LRP1B: variants seen among roughly 807,000 people sequenced by gnomAD.
The protein encoded by LRP1B is low-density lipoprotein receptor-related protein 1B.
A neutral mutation model predicts 556.6 loss-of-function variants in LRP1B; 217 were observed. That is an observed-to-expected ratio of 0.39 (90% CI 0.35 to 0.44). The LOEUF (loss-of-function observed/expected upper bound fraction) is 0.44. Among genes scored for constraint, LRP1B ranks in the 20% least tolerant of loss-of-function variants. LRP1B has a pLI of 1.00. For missense variants in LRP1B, 5,053 were observed against 5,620.8 expected (o/e 0.90, Z 3.23); for synonymous variants, 2,047 against 1,865.8 (o/e 1.10, Z -2.50).
intron 2 of LRP1B, among the ~76,000 whole-genome samples, chr2:141,515,492 A>G (rs185240667): frequency 2.0e-5 from 3 of 152,310 alleles, no homozygotes; most frequent in Non-Finnish European, 1.5e-5. Context: ...GCTGGAAAAC[A>G]TTGGTAATAA....
chr2:141,432,867 T>C (rs1483828191), intron 3 of LRP1B, among the ~76,000 whole-genome samples: 2 of 152,066 alleles, frequency 1.3e-5, no homozygotes, highest in African/African-American at 4.8e-5. Flanking sequence ...ATTTGCTCCA[T>C]TGATCTTCTC....
At chr2:140,242,249 G>T (rs12464830) in intron 87 of LRP1B, among the ~76,000 whole-genome samples, 31,200 of 150,926 alleles carry the variant, frequency 0.21, 3,431 homozygotes, top group Admixed American at 0.32. Context: ...TTATAGATAG[G>T]ATTATGCCAA....
intron 12 of LRP1B, among the ~76,000 whole-genome samples, chr2:141,019,708 A>T (rs1010871730): frequency 1.3e-5 from 2 of 152,054 alleles, no homozygotes; most frequent in Non-Finnish European, 1.5e-5. Flanking sequence ...ATCTTTGCGC[A>T]GTAATCTAAT....
chr2:140,314,778 A>C (rs2105035587), intron 83 of LRP1B, among the ~76,000 whole-genome samples, 157 bp downstream of exon 83: 1 of 152,292 alleles, frequency 6.6e-6, no homozygotes, highest in Admixed American at 6.6e-5. Context: ...TACTGAATTT[A>C]GAACAAATGC....
intron 60 of LRP1B, among the ~76,000 whole-genome samples, chr2:140,473,311 T>C (rs1182207643): frequency 6.6e-6 from 1 of 152,032 alleles, no homozygotes; most frequent in Non-Finnish European, 1.5e-5. Context: ...GCTGCAACTC[T>C]ACTTTTCTTC....
intron 1 of LRP1B, among the ~76,000 whole-genome samples, chr2:141,926,634 G>A (rs1700339875): frequency 6.6e-6 from 1 of 152,048 alleles, no homozygotes; most frequent in South Asian, 2.1e-4. Context: ...GCCCATATTG[G>A]CATCTACTTT....
intron 2 of LRP1B, among the ~76,000 whole-genome samples, chr2:141,693,101 C>G (rs1478516498): frequency 6.6e-6 from 1 of 152,074 alleles, no homozygotes; most frequent in Non-Finnish European, 1.5e-5. Context: ...ATTTACCAGA[C>G]TAAGCATGCA....
intron 18 of LRP1B, among the ~76,000 whole-genome samples, chr2:140,954,056 T>C (rs995889964): frequency 2.0e-5 from 3 of 152,228 alleles, no homozygotes; most frequent in African/African-American, 7.2e-5. Flanking sequence ...CTTGTGTTTA[T>C]CAGAAATGTG....
At position 140,350,922 on chromosome 2, in the gene LRP1B, T is replaced by C. The variant is rs1681929845; in HGVS notation, c.11767A>G (p.Ile3923Val). The C allele has an allele frequency of 6.2e-7, 1 of 1,611,404 alleles. No homozygotes were observed. Among genetic ancestry groups the C allele is most frequent in the Admixed American group, 1.7e-5 (1 of 59,900 alleles). ...QISHIEHNSR[I>V]TGMDVYYQRD... ...TGATAATATACATCCATCCCTGTTA[T>C]TCTTGAATTATGTTCAATATGAGAA... Residue 3923 changes from isoleucine to valine, a missense_variant, in exon 77 of 91, where the codon ATA becomes GTA. Transcript: ENST00000389484.
intron 3 of LRP1B, among the ~76,000 whole-genome samples, chr2:141,455,333 C>T (rs1681590106): frequency 6.6e-6 from 1 of 151,738 alleles, no homozygotes; most frequent in African/African-American, 2.4e-5. Flanking sequence ...AGTTTTTCTT[C>T]TCCTGTTTAA....
At chr2:140,903,865 T>C (rs1452049663) in intron 22 of LRP1B, among the ~76,000 whole-genome samples, 4 of 151,798 alleles carry the variant, frequency 2.6e-5, no homozygotes, top group Non-Finnish European at 1.5e-5. Flanking sequence ...AGCAATAGTA[T>C]TGATTACATA....
chr2:141,445,735 A>G (rs1370792856), intron 3 of LRP1B, among the ~76,000 whole-genome samples: 1 of 152,186 alleles, frequency 6.6e-6, no homozygotes, highest in African/African-American at 2.4e-5. Flanking sequence ...ATGCGTTTTG[A>G]TTGAGCTTCT....
chr2:140,440,143 G>T (rs1347521639), intron 66 of LRP1B, among the ~76,000 whole-genome samples: 1 of 152,180 alleles, frequency 6.6e-6, no homozygotes, highest in African/African-American at 2.4e-5. Flanking sequence ...AAATATTGGT[G>T]CTGAGAAGTA....
At chr2:140,656,850 CA>C (rs1684896521) in intron 41 of LRP1B, among the ~76,000 whole-genome samples, 2 of 152,000 alleles carry the variant, frequency 1.3e-5, no homozygotes, top group Non-Finnish European at 2.9e-5. Flanking sequence ...ACCACAAAAG[CA>C]TGTAAATTTG....
chr2:141,589,852 C>A (rs1460326468), intron 2 of LRP1B, among the ~76,000 whole-genome samples: 1 of 152,056 alleles, frequency 6.6e-6, no homozygotes, highest in Non-Finnish European at 1.5e-5. Flanking sequence ...TAAGTTATGT[C>A]TGGAAGAGTT....
At chr2:140,546,089 T>C (rs1264747823) in intron 43 of LRP1B, among the ~76,000 whole-genome samples, 1 of 151,484 alleles carries the variant, frequency 6.6e-6, no homozygotes, top group Non-Finnish European at 1.5e-5. Context: ...GGTTTGGTAG[T>C]TGTTAGTGTA....
intron 7 of LRP1B, among the ~76,000 whole-genome samples, chr2:141,156,025 A>C (rs956742176): frequency 5.3e-5 from 8 of 152,134 alleles, no homozygotes; most frequent in African/African-American, 1.9e-4. Context: ...ACATTCAAAC[A>C]CTCAACTACT....
intron 2 of LRP1B, among the ~76,000 whole-genome samples, chr2:141,629,579 T>A (rs1383558706): frequency 1.3e-5 from 2 of 152,090 alleles, no homozygotes; most frequent in Non-Finnish European, 2.9e-5. Context: ...TTATGAGCAG[T>A]GTTGCTTTTT....
intron 2 of LRP1B, among the ~76,000 whole-genome samples, chr2:141,700,529 G>C (rs1384795524): frequency 1.3e-5 from 2 of 151,600 alleles, no homozygotes; most frequent in African/African-American, 4.8e-5. Context: ...AAATTATTAT[G>C]TGCACACCTC....
Sources: allele counts gnomAD v4.1 joint callset (sites outside exome capture counted in the v4.1 genomes callset), GRCh38; gene constraint gnomAD v4.1.1; transcripts MANE v1.5; gene names NCBI Gene and HGNC (gene_info 2026-07-23, HGNC 2026-07-21).